The following ZNF518A variants were observed in gnomAD, a reference collection of about 807,000 sequenced individuals.
The protein encoded by ZNF518A is zinc finger protein 518A.
Under a neutral mutation model 102.7 loss-of-function variants are expected in ZNF518A, and 47 were observed. The observed-to-expected ratio is 0.46, with a 90% CI of 0.36 to 0.58. The LOEUF (loss-of-function observed/expected upper bound fraction) is 0.58. Among genes scored for constraint, ZNF518A ranks in the 20% least tolerant of loss-of-function variants. ZNF518A has a pLI of 0.00. For synonymous variants in ZNF518A, 652 were observed against 594.6 expected (o/e 1.10, Z -1.40); for missense variants, 1,793 against 1,699.8 (o/e 1.05, Z -0.96).
At chr10:96,133,673 G>A (rs922480317) in intron 3 of ZNF518A, 25 bp downstream of exon 3, 2 of 152,138 alleles carry the variant, frequency 1.3e-5, no homozygotes, top group East Asian at 3.8e-4. Flanking sequence ...AAGTATGACC[G>A]TAAATTAGGA....
Position 96,159,265 on chromosome 10 carries a change from A to C in ZNF518A, c.2943A>C (p.Thr981=), listed in dbSNP as rs1554885759. 1 of 1,613,506 alleles carries C rather than the reference A, an allele frequency of 6.2e-7. No individual in the cohort carries two copies. Among genetic ancestry groups the C allele is most frequent in the South Asian group, 1.1e-5 (1 of 90,964 alleles). ...ACAAGAAACCTGGGATGGTTTTAAC[A>C]CTTAATAATGGGAAACTTGAAGGTG... ...FVNKKPGMVL[T]LNNGKLEGVS... Residue 981 remains threonine, a synonymous_variant, in exon 6 of 6, where the codon ACA becomes ACC. Coordinates refer to ENST00000316045, the MANE Select transcript of ZNF518A (RefSeq NM_001330736.2).
intron 1 of ZNF518A, chr10:96,190,125 C>A: frequency 1.0e-6 from 1 of 998,012 alleles, no homozygotes; most frequent in South Asian, 1.3e-5. Flanking sequence ...CATTATCCAC[C>A]TTAAAGTGAT....
At chr10:96,184,707 C>T (rs1231330417) in intron 1 of ZNF518A, among the ~76,000 whole-genome samples, 3 of 152,106 alleles carry the variant, frequency 2.0e-5, no homozygotes, top group African/African-American at 4.8e-5. Flanking sequence ...GTGGGTAACC[C>T]GACCTTTCTC....
intron 3 of ZNF518A, among the ~76,000 whole-genome samples, chr10:96,150,690 G>A (rs2082397161): frequency 9.4e-6 from 1 of 106,672 alleles, no homozygotes; most frequent in Non-Finnish European, 2.0e-5. Flanking sequence ...GTTATTACTT[G>A]ATTTTTTTTT....
chr10:96,156,806 T>G lies in ZNF518A; in HGVS notation c.484T>G (p.Phe162Val). ...CEMCNFSANDFQVFKQHRRTH... is the reference protein window; with the variant it reads ...CEMCNFSANDVQVFKQHRRTH... ...AATGTGCAACTTTTCAGCAAATGAC[T>G]TTCAGGTATTTAAACAACACAGACG... The change falls in exon 6 of 6, where the codon TTT (phenylalanine) becomes GTT (valine). Residue 162 changes from phenylalanine to valine, a missense_variant. By Grantham distance (50) the Phe-to-Val change is conservative. Transcript: ENST00000316045. 2.5e-6 allele frequency: 4 copies of G among 1,613,934 alleles called. No homozygotes were observed. Among genetic ancestry groups the G allele is most frequent in the Non-Finnish European group, 3.4e-6 (4 of 1,179,822 alleles).
chr10:96,130,219 C>T (rs969558526), upstream of ZNF518A: 2 of 152,670 alleles, frequency 1.3e-5, no homozygotes, highest in Admixed American at 1.3e-4. Flanking sequence ...GTCAGGGTCC[C>T]CCAAACAGGT....
Position 96,156,396 on chromosome 10 carries a change from A to T in ZNF518A, c.74A>T (p.Asn25Ile). ...TTAAAAAAAGATTATGATGTGAAAA[A>T]TGAGATAGTTGATAGGTCGGCACCT... ...TTLKKDYDVK[N>I]EIVDRSAPKP... The change falls in exon 6 of 6, where the codon AAT becomes ATT. Residue 25 changes from asparagine (N) to isoleucine (I), a missense_variant. Physicochemically the swap from Asn to Ile is moderately radical, Grantham distance 149. Around this residue, in one of 3 missense-constraint regions of ZNF518A, gnomAD observed 1,741 missense variants for 1,622.6 expected, o/e 1.07. Coordinates refer to ENST00000316045, the MANE Select transcript of ZNF518A (RefSeq NM_001330736.2). The T allele has an allele frequency of 6.2e-7, 1 of 1,604,996 alleles. No homozygotes were observed.
At chr10:96,149,896 C>T (rs587717272) in intron 3 of ZNF518A, among the ~76,000 whole-genome samples, 1 of 152,188 alleles carries the variant, frequency 6.6e-6, no homozygotes, top group Non-Finnish European at 1.5e-5. Flanking sequence ...CTTTGCATAT[C>T]TAAAATTGTG....
At chr10:96,177,753 A>G (rs1554891634) in intron 1 of ZNF518A, among the ~76,000 whole-genome samples, 2 of 152,160 alleles carry the variant, frequency 1.3e-5, no homozygotes, top group African/African-American at 4.8e-5. Flanking sequence ...ACTGGTGGGA[A>G]AATATAGAAA....
chr10:96,157,405 G>A lies in ZNF518A; in HGVS notation c.1083G>A (p.Gln361=). 1.2e-6 allele frequency: 2 copies of A among 1,612,874 alleles called. No individual in the cohort carries two copies. Among genetic ancestry groups the A allele is most frequent in the Non-Finnish European group, 1.7e-6 (2 of 1,179,382 alleles). ...MNKTQTKSED[Q]SHVVQEHLSE... The stretch of plus-strand genomic sequence containing the variant: ...AAACACAGACTAAATCTGAAGACCA[G>A]AGCCATGTTGTTCAAGAGCATTTAA... The change falls in exon 6 of 6, where the codon CAG becomes CAA. Residue 361 remains glutamine, a synonymous_variant. Transcript: ENST00000316045.
In ZNF518A at chr10:96,162,734, A is replaced by G. The variant is rs1393597131; in HGVS notation, c.*1960A>G. ...AATTAAATTTATCTTGTTTGTGTTT[A>G]CACAATAATTTTTTTACTGTGCTAA... On this transcript the variant is annotated 3_prime_UTR_variant, in exon 6 of 6. Transcript: ENST00000316045. 6.0e-6 allele frequency: 1 copy of G among 166,082 alleles called. No homozygotes were observed. Among genetic ancestry groups the G allele is most frequent in the East Asian group, 1.9e-4 (1 of 5,208 alleles). The allele number at this position is 166,082 out of a possible 1,614,324, so 10.3% of individuals were successfully genotyped here.
chr10:96,193,061 C>T (rs11188658), intron 1 of ZNF518A, among the ~76,000 whole-genome samples: 4,677 of 152,112 alleles, frequency 0.031, 242 homozygotes, highest in East Asian at 0.17. Context: ...GAATATTGGC[C>T]AACATTTCCA....
rs2082798976 is a variant in ZNF518A at position 96,158,192 on chromosome 10, A to G, written c.1870A>G (p.Asn624Asp). 1 of 1,613,712 alleles carries G rather than the reference A, an allele frequency of 6.2e-7. No homozygotes were observed. The highest frequency in any genetic ancestry group is 8.5e-7 in the Non-Finnish European group (1 of 1,179,744). ...DMHNYCINYGNCELPVESSNQ... is the reference protein window; with the variant it reads ...DMHNYCINYGDCELPVESSNQ... Reference sequence around the variant, plus strand: ...GCATAATTATTGCATTAATTATGGCAACTGTGAGTTACCTGTTGAATCCTC... The same window carrying G: ...GCATAATTATTGCATTAATTATGGCGACTGTGAGTTACCTGTTGAATCCTC... Residue 624 changes from asparagine to aspartate, a missense_variant, in exon 6 of 6, where the codon AAC becomes GAC. Physicochemically the swap from Asn to Asp is conservative, Grantham distance 23. Around this residue, in one of 3 missense-constraint regions of ZNF518A, gnomAD observed 1,741 missense variants for 1,622.6 expected, o/e 1.07. Transcript: ENST00000316045.
intron 1 of ZNF518A, among the ~76,000 whole-genome samples, chr10:96,173,896 A>G (rs1348545225): frequency 1.3e-5 from 2 of 152,174 alleles, no homozygotes; most frequent in African/African-American, 4.8e-5. Flanking sequence ...GAGGATGGGA[A>G]TGATACAAAG....
chr10:96,187,921 C>G (rs2083282076), intron 1 of ZNF518A, among the ~76,000 whole-genome samples: 5 of 152,270 alleles, frequency 3.3e-5, no homozygotes, highest in Admixed American at 3.3e-4. Context: ...TCTTGGCTCA[C>G]TACAACCTCC....
rs61858659 is a variant in ZNF518A, at chr10:96,156,727, G to T, written c.405G>T (p.Leu135Phe). Residue 135 changes from leucine to phenylalanine, a missense_variant, in exon 6 of 6, where the codon TTG (leucine) becomes TTT (phenylalanine). Around this residue, in one of 3 missense-constraint regions of ZNF518A, gnomAD observed 1,741 missense variants for 1,622.6 expected, o/e 1.07. Coordinates refer to ENST00000316045, the MANE Select transcript of ZNF518A (RefSeq NM_001330736.2). ...ACACTCGATATAGCCCAAATGATTTGCAGAAACACTTTCAAATGTGGCACC... is the reference window on the plus strand; with the variant it reads ...ACACTCGATATAGCCCAAATGATTTTCAGAAACACTTTCAAATGTGGCACC... ...RDNTRYSPND[L>F]QKHFQMWHHG... The T allele has an allele frequency of 1.4e-5, 23 of 1,613,850 alleles. No homozygotes were observed. The highest frequency in any genetic ancestry group is 1.7e-5 in the Non-Finnish European group (20 of 1,179,792).
intron 1 of ZNF518A, among the ~76,000 whole-genome samples, chr10:96,194,945 A>AT (rs2083426653): frequency 6.6e-6 from 1 of 151,002 alleles, no homozygotes; most frequent in Non-Finnish European, 1.5e-5. Flanking sequence ...TAATTTTTGT[A>AT]TTTTTAGTAG....
chr10:96,185,885 A>G (rs1476786444), intron 1 of ZNF518A, among the ~76,000 whole-genome samples: 1 of 152,102 alleles, frequency 6.6e-6, no homozygotes, highest in Non-Finnish European at 1.5e-5. Context: ...ACCCAGTTCG[A>G]GCTTCCAGGC....
rs782134983 is a variant in ZNF518A, at chr10:96,159,965, C to G, written c.3643C>G (p.Pro1215Ala). ...EIVITSTATC[P>A]ESSEEPICVS... ...TGTGATAACTTCTACTGCAACATGC[C>G]CAGAATCTTCTGAGGAACCAATATG... The change falls in exon 6 of 6, where the codon CCA becomes GCA. Residue 1215 changes from proline (P) to alanine (A), a missense_variant. By Grantham distance (27) the Pro-to-Ala change is conservative. Around this residue, in one of 3 missense-constraint regions of ZNF518A, gnomAD observed 1,741 missense variants for 1,622.6 expected, o/e 1.07. Transcript: ENST00000316045. 9 of 1,613,308 alleles carry G rather than the reference C, an allele frequency of 5.6e-6. No individual in the cohort carries two copies. In the East Asian group the frequency reaches 2.0e-4, roughly 36 times the overall value.
Sources: gnomAD v4.1 joint callset for allele counts (sites outside exome capture counted in the v4.1 genomes callset) on GRCh38, gnomAD v4.1.1 for gene constraint, gnomAD v4.1.1 regional missense constraint, MANE v1.5 for transcripts, NCBI Gene and HGNC (gene_info 2026-07-23, HGNC 2026-07-21) for gene names.